PHF20: variants seen among roughly 807,000 people sequenced by gnomAD.
PHF20 encodes PHD finger protein 20.
In PHF20, 23 loss-of-function variants were observed where a neutral mutation model predicts 113.5. The observed-to-expected ratio is 0.20, with a 90% CI of 0.15 to 0.29. PHF20 has a LOEUF of 0.29. Among genes scored for constraint, PHF20 ranks in the 10% least tolerant of loss-of-function variants. The pLI, the probability that PHF20 is intolerant of heterozygous loss-of-function variation, is 1.00. For synonymous variants in PHF20, 434 were observed against 457.3 expected (o/e 0.95, Z 0.65); for missense variants, 943 against 1,219.6 (o/e 0.77, Z 3.38).
intron 2 of PHF20, among the ~76,000 whole-genome samples, chr20:35,841,133 C>A (rs936862013): frequency 1.3e-5 from 2 of 151,834 alleles, no homozygotes; most frequent in Admixed American, 6.6e-5. Flanking sequence ...TAGCTTGAGC[C>A]CAGGAGTTTG....
chr20:35,798,746 G>A (rs947378195), intron 1 of PHF20, among the ~76,000 whole-genome samples: 4 of 151,858 alleles, frequency 2.6e-5, no homozygotes, highest in African/African-American at 9.7e-5. Context: ...GAGCCACCAT[G>A]CCTGGCCTTT....
chr20:35,841,891 C>T (rs2042542661), intron 2 of PHF20, among the ~76,000 whole-genome samples: 1 of 152,194 alleles, frequency 6.6e-6, no homozygotes, highest in Non-Finnish European at 1.5e-5. Flanking sequence ...TTTATTGGCA[C>T]ATGTAAAATC....
rs529329166 is a variant in PHF20 at position 35,772,394 on chromosome 20, T to G, written c.-33+315T>G. On this transcript the variant is annotated intron_variant, in intron 1 of 17. Coordinates refer to ENST00000374012, the MANE Select transcript of PHF20 (RefSeq NM_016436.5). ...GGCCCGGGGCGCGGAGCGGGCCGTG[T>G]TGGGGGTGCGGGTAAGCCCTAGGGC... is the stretch of plus-strand genomic sequence containing the variant. Among the ~76,000 whole-genome samples the G allele has an allele frequency of 5.7e-4, 86 of 152,042 alleles. No individual in the cohort carries two copies. In the Middle Eastern group the frequency reaches 0.014, roughly 24 times the overall value.
chr20:35,842,467 TG>T, intron 2 of PHF20, 105 bp from the exon 3 acceptor site: 1 of 998,764 alleles, frequency 1.0e-6, no homozygotes, highest in Non-Finnish European at 1.5e-6. Context: ...ACGGTAGGCC[TG>T]GTAACCTTCT....
chr20:35,863,711 C>A (rs1197251064), intron 6 of PHF20, among the ~76,000 whole-genome samples: 1 of 152,106 alleles, frequency 6.6e-6, no homozygotes, highest in Non-Finnish European at 1.5e-5. Flanking sequence ...TTCAAATGAT[C>A]TCAGTTTAAG....
intron 10 of PHF20, among the ~76,000 whole-genome samples, chr20:35,905,113 C>A (rs1268388110): frequency 6.6e-6 from 1 of 152,170 alleles, no homozygotes; most frequent in African/African-American, 2.4e-5. Context: ...AGATGAGCCA[C>A]CGTGCCTGGC....
intron 1 of PHF20, among the ~76,000 whole-genome samples, chr20:35,793,565 G>A (rs1028018806): frequency 1.3e-5 from 2 of 151,142 alleles, no homozygotes; most frequent in Non-Finnish European, 2.9e-5. Context: ...CTCCCAAAGT[G>A]CTGGGATTAC....
chr20:35,812,827 A>C (rs2042001094), intron 2 of PHF20, among the ~76,000 whole-genome samples: 1 of 152,202 alleles, frequency 6.6e-6, no homozygotes, highest in African/African-American at 2.4e-5. Context: ...TTATCCCCCC[A>C]CATCATTTAC....
chr20:35,913,082 T>G (rs550783672), intron 10 of PHF20, among the ~76,000 whole-genome samples, 167 bp from the exon 11 acceptor site: 1 of 152,230 alleles, frequency 6.6e-6, no homozygotes, highest in East Asian at 1.9e-4. Flanking sequence ...TGAGCTGGAC[T>G]GAAAGGCTAA....
At chr20:35,810,139 A>G (rs1245226893) in intron 2 of PHF20, among the ~76,000 whole-genome samples, 2 of 152,072 alleles carry the variant, frequency 1.3e-5, no homozygotes, top group African/African-American at 4.8e-5. Flanking sequence ...TATGTTGGCC[A>G]GGCTGGTCTC....
intron 1 of PHF20, among the ~76,000 whole-genome samples, chr20:35,776,794 A>C (rs945418471): frequency 6.6e-6 from 1 of 152,124 alleles, no homozygotes; most frequent in East Asian, 1.9e-4. Context: ...TTACTGTGAG[A>C]CCTCAGGCAA....
chr20:35,860,852 G>A (rs1370489584), intron 5 of PHF20, among the ~76,000 whole-genome samples: 1 of 152,112 alleles, frequency 6.6e-6, no homozygotes, highest in African/African-American at 2.4e-5. Context: ...GGAAGTCCAG[G>A]GCTCTAGATA....
chr20:35,792,042 C>CATTAA (rs1372933135), intron 1 of PHF20, among the ~76,000 whole-genome samples: 6 of 152,176 alleles, frequency 3.9e-5, no homozygotes, highest in Non-Finnish European at 8.8e-5. Flanking sequence ...TTAATCGACT[C>CATTAA]ATTCTCAGTA....
intron 1 of PHF20, among the ~76,000 whole-genome samples, chr20:35,787,852 C>T (rs1030536503): frequency 7.0e-6 from 1 of 143,210 alleles, no homozygotes; most frequent in East Asian, 2.1e-4. Context: ...GCAATCTTTG[C>T]TCACTGCAAC....
intron 3 of PHF20, chr20:35,845,529 CTAAT>C (rs1319630565): frequency 4.1e-5 from 7 of 169,972 alleles, no homozygotes; most frequent in Non-Finnish European, 7.8e-5. Context: ...CTGTGCCTGA[CTAAT>C]TAAAAAATTT....
intron 4 of PHF20, among the ~76,000 whole-genome samples, chr20:35,848,236 G>A (rs1185646934): frequency 6.6e-6 from 1 of 152,082 alleles, no homozygotes; most frequent in African/African-American, 2.4e-5. Context: ...CTGGGCCTCA[G>A]GCTGACCAAG....
At chr20:35,798,159 T>C (rs1253498452) in intron 1 of PHF20, among the ~76,000 whole-genome samples, 1 of 152,170 alleles carries the variant, frequency 6.6e-6, no homozygotes, top group Non-Finnish European at 1.5e-5. Flanking sequence ...ATGCCTCTAA[T>C]TCCAGCACTT....
chr20:35,943,512 A>G (rs1365467534), intron 17 of PHF20, among the ~76,000 whole-genome samples: 1 of 151,420 alleles, frequency 6.6e-6, no homozygotes, highest in Non-Finnish European at 1.5e-5. Context: ...AAAAAAAAAA[A>G]AAGCCTAGTA....
intron 9 of PHF20, among the ~76,000 whole-genome samples, chr20:35,873,956 C>T (rs6119667): frequency 6.6e-6 from 1 of 152,084 alleles, no homozygotes; most frequent in Non-Finnish European, 1.5e-5. Context: ...CTATAAATTC[C>T]TTTTTAAAAA....
Sources: allele counts gnomAD v4.1 joint callset (sites outside exome capture counted in the v4.1 genomes callset), GRCh38; gene constraint gnomAD v4.1.1; transcripts MANE v1.5; gene names NCBI Gene and HGNC (gene_info 2026-07-23, HGNC 2026-07-21).